MTBP: variants seen among roughly 807,000 people sequenced by gnomAD.
MTBP encodes the protein mdm2-binding protein.
MTBP carries 101 observed loss-of-function variants against 117.0 expected under a neutral mutation model. The ratio of observed to expected loss-of-function variants is 0.86; its 90% CI spans 0.73 to 1.02. The LOEUF (loss-of-function observed/expected upper bound fraction) is 1.02. Among genes scored for constraint, MTBP ranks in the 50% least tolerant of loss-of-function variants. The probability of loss-of-function intolerance (pLI) is 0.00; values close to 1 mark genes in which losing one functional copy is unlikely to be tolerated. For synonymous variants in MTBP, 350 were observed against 351.5 expected, an observed-to-expected ratio of 1.00 and a Z score of 0.05; for missense variants, 970 against 1,030.9, an observed-to-expected ratio of 0.94 and a Z score of 0.81.
In MTBP at chr8:120,445,554, G is replaced by A; in HGVS notation, c.84G>A (p.Glu28=). The A allele has an allele frequency of 6.2e-7, 1 of 1,613,234 alleles. No individual in the cohort carries two copies. Among genetic ancestry groups the A allele is most frequent in the Non-Finnish European group, 8.5e-7 (1 of 1,179,688 alleles). ...AASREAEHGP[E]VSSGEGTENQ... ...GTAGGGAGGCAGAACATGGGCCAGAGGTGTCGTCGGGTGAGGGTACTGAGA... is the reference window on the plus strand; with the variant it reads ...GTAGGGAGGCAGAACATGGGCCAGAAGTGTCGTCGGGTGAGGGTACTGAGA... The change falls in exon 1 of 22, where the codon GAG becomes GAA. Residue 28 remains glutamate, a synonymous_variant. Transcript: ENST00000305949.
intron 14 of MTBP, 65 bp from the exon 15 acceptor site, chr8:120,502,427 A>G (rs757152081): frequency 2.6e-6 from 3 of 1,158,930 alleles, no homozygotes; most frequent in Admixed American, 2.2e-5. Context: ...GTAAATACAC[A>G]TTTTTATTAG....
intron 9 of MTBP, among the ~76,000 whole-genome samples, chr8:120,462,151 T>C (rs1279863341): frequency 6.6e-6 from 1 of 152,128 alleles, no homozygotes; most frequent in Admixed American, 6.6e-5. Context: ...TGGGGTTAAA[T>C]TCTATCCTAA....
chr8:120,485,811 A>T (rs1212119717), intron 11 of MTBP, among the ~76,000 whole-genome samples: 1 of 152,116 alleles, frequency 6.6e-6, no homozygotes, highest in Non-Finnish European at 1.5e-5. Flanking sequence ...TTGTTGTATG[A>T]GTTGGCTAGG....
At chr8:120,472,156 C>T (rs551294361) in intron 11 of MTBP, 2 of 152,170 alleles carry the variant, frequency 1.3e-5, no homozygotes, top group South Asian at 4.1e-4. Context: ...CTCCACAGCG[C>T]CCTTGAATTT....
At chr8:120,474,762 A>G (rs1284502409) in intron 11 of MTBP, among the ~76,000 whole-genome samples, 1 of 152,022 alleles carries the variant, frequency 6.6e-6, no homozygotes, top group Non-Finnish European at 1.5e-5. Context: ...TTACTGATCC[A>G]TGAGATAGAC....
chr8:120,495,514 T>A (rs1040188444), intron 13 of MTBP, among the ~76,000 whole-genome samples: 26 of 152,092 alleles, frequency 1.7e-4, no homozygotes, highest in South Asian at 6.2e-4. Context: ...AATTTTTTTT[T>A]ATCTTTTTAA....
Position 120,457,870 on chromosome 8 carries a change from C to T in MTBP, c.747+1200C>T, listed in dbSNP as rs187554852. ...ATGAGGCAGGAGAATGGTGTGAACC[C>T]GGGAGGCGGAGGTTTCAGTGAGCTG... On this transcript the variant is annotated intron_variant, in intron 7 of 21. Transcript: ENST00000305949. Among the ~76,000 whole-genome samples the T allele has an allele frequency of 8.5e-4, 127 of 149,320 alleles. 2 individuals carry two copies. The East Asian group carries it at 9.3e-3, about 11-fold the overall frequency.
intron 10 of MTBP, among the ~76,000 whole-genome samples, chr8:120,465,415 T>C (rs2130537363): frequency 6.6e-6 from 1 of 152,262 alleles, no homozygotes; most frequent in East Asian, 1.9e-4. Context: ...TATTTCAGAG[T>C]TGTAATAAAA....
At chr8:120,468,504 T>C (rs1036309592) in intron 10 of MTBP, among the ~76,000 whole-genome samples, 1 of 152,214 alleles carries the variant, frequency 6.6e-6, no homozygotes, top group Non-Finnish European at 1.5e-5. Flanking sequence ...TGGAAGCATT[T>C]TCCCTGCAAA....
chr8:120,459,475 T>C, intron 8 of MTBP, 126 bp downstream of exon 8: 1 of 858,618 alleles, frequency 1.2e-6, no homozygotes, highest in Non-Finnish European at 1.7e-6. Flanking sequence ...TAATTTTTAA[T>C]ATAATTAAGT....
At position 120,517,839 on chromosome 8, in the gene MTBP, C is replaced by A; in HGVS notation, c.2247-12C>A. On this transcript the variant is annotated splice_polypyrimidine_tract_variant and intron_variant, in intron 18 of 21. Coordinates refer to ENST00000305949, the MANE Select transcript of MTBP (RefSeq NM_022045.5). ...TAATCTACGTTCTTGATTTTTTTCC[C>A]CTGCTATATAGACTTGTGAAATCTG... is the stretch of plus-strand genomic sequence containing the variant. The A allele has an allele frequency of 6.3e-7, 1 of 1,590,554 alleles. No individual in the cohort carries two copies. The highest frequency in any genetic ancestry group is 8.6e-7 in the Non-Finnish European group (1 of 1,168,668).
Position 120,488,294 on chromosome 8 carries a change from A to T in MTBP, c.1301A>T (p.His434Leu). Residue 434 changes from histidine (H) to leucine (L), a missense_variant, in exon 12 of 22, where the codon CAT (histidine) becomes CTT (leucine). Transcript: ENST00000305949. ...GGCTCATTTGCACTCAATTTAATTC[A>T]TGGAAAGATGAAAACAAAGACAGAA... ...INGSFALNLIHGKMKTKTEEA... is the reference protein window; with the variant it reads ...INGSFALNLILGKMKTKTEEA... The T allele has an allele frequency of 2.6e-6, 4 of 1,565,748 alleles. No individual in the cohort carries two copies. The highest frequency in any genetic ancestry group is 3.4e-6 in the Non-Finnish European group (4 of 1,163,062).
chr8:120,511,966 A>G (rs916680292), intron 17 of MTBP, among the ~76,000 whole-genome samples: 1 of 152,106 alleles, frequency 6.6e-6, no homozygotes, highest in South Asian at 2.1e-4. Context: ...GCTCTCCGCT[A>G]TTTACTTTCA....
intron 15 of MTBP, among the ~76,000 whole-genome samples, chr8:120,503,147 T>A (rs1017161320): frequency 6.6e-6 from 1 of 152,196 alleles, no homozygotes; most frequent in Non-Finnish European, 1.5e-5. Context: ...CTTACATTAC[T>A]TTTCTCCGAA....
chr8:120,446,325 CTT>C, intron 1 of MTBP, 106 bp from the exon 2 acceptor site: 1 of 710,324 alleles, frequency 1.4e-6, no homozygotes, highest in Admixed American at 2.2e-5. Flanking sequence ...GCGTTTAGTA[CTT>C]TTATGTACAA....
chr8:120,457,803 A>C (rs1813501318), intron 7 of MTBP, among the ~76,000 whole-genome samples: 1 of 152,072 alleles, frequency 6.6e-6, no homozygotes, highest in African/African-American at 2.4e-5. Flanking sequence ...AGGTGCCTGT[A>C]GTCCCAGCTA....
rs71306887 is a variant in MTBP at position 120,489,044 on chromosome 8, C to CT, written c.1339+725dup. Among the ~76,000 whole-genome samples, 903 of 128,060 alleles carry CT rather than the reference C, an allele frequency of 7.1e-3. 16 individuals carry two copies. The highest frequency in any genetic ancestry group is 0.022 in the African/African-American group (815 of 37,834). The allele number at this position is 128,060 out of a possible 152,430, so 84.0% of individuals were successfully genotyped here. ...TCATGGTGTTAGGGCAGACTGACTTCTTTTTTTTTTTTTGAGACAGAGTCT... is the reference window on the plus strand; with the variant it reads ...TCATGGTGTTAGGGCAGACTGACTTCTTTTTTTTTTTTTTGAGACAGAGTCT... On this transcript the variant is annotated intron_variant, in intron 12 of 21. Coordinates refer to ENST00000305949, the MANE Select transcript of MTBP (RefSeq NM_022045.5).
chr8:120,457,698 G>T (rs1280222866), intron 7 of MTBP, among the ~76,000 whole-genome samples: 1 of 152,136 alleles, frequency 6.6e-6, no homozygotes, highest in African/African-American at 2.4e-5. Flanking sequence ...GCCAAGGCGG[G>T]CAGATCACGA....
chr8:120,456,799 G>A, intron 7 of MTBP, 129 bp downstream of exon 7: 2 of 648,528 alleles, frequency 3.1e-6, no homozygotes, highest in Non-Finnish European at 5.4e-6. Context: ...AGAACTTTCT[G>A]CAATAATTAA....
Sources: allele counts gnomAD v4.1 joint callset (sites outside exome capture counted in the v4.1 genomes callset), GRCh38; gene constraint gnomAD v4.1.1; transcripts MANE v1.5; gene names NCBI Gene and HGNC (gene_info 2026-07-23, HGNC 2026-07-21).